CORIN: variants seen among roughly 807,000 people sequenced by gnomAD.
CORIN encodes atrial natriuretic peptide-converting enzyme.
Under a neutral mutation model 125.3 loss-of-function variants are expected in CORIN, and 117 were observed. That is an observed-to-expected ratio of 0.93 (90% CI 0.80 to 1.09). The LOEUF (loss-of-function observed/expected upper bound fraction) is 1.09, where lower values mean the gene tolerates loss of function less well. Among genes scored for constraint, CORIN ranks in the 50% least tolerant of loss-of-function variants. The pLI, the probability that CORIN is intolerant of heterozygous loss-of-function variation, is 0.00. For synonymous variants in CORIN, 450 were observed against 466.4 expected, an observed-to-expected ratio of 0.96 and a Z score of 0.45; for missense variants, 1,253 against 1,306.7, an observed-to-expected ratio of 0.96 and a Z score of 0.63.
At chr4:47,833,121 G>GA (rs140370181) in intron 1 of CORIN, among the ~76,000 whole-genome samples, 48,262 of 145,598 alleles carry the variant, frequency 0.33, 9,423 homozygotes, top group Non-Finnish European at 0.44. Flanking sequence ...TTACGAGCAA[G>GA]AAAAAAAAAA....
intron 5 of CORIN, chr4:47,706,475 C>G: frequency 6.2e-7 from 1 of 1,611,484 alleles, no homozygotes. Flanking sequence ...CAGCTCTCTG[C>G]TCTTCACAGG....
intron 2 of CORIN, among the ~76,000 whole-genome samples, chr4:47,800,983 T>C (rs1212494735): frequency 6.6e-6 from 1 of 152,196 alleles, no homozygotes; most frequent in East Asian, 1.9e-4. Context: ...CAACTGCCAC[T>C]GAGACTGCCG....
At chr4:47,698,689 T>C (rs550199746) in intron 5 of CORIN, among the ~76,000 whole-genome samples, 3 of 152,280 alleles carry the variant, frequency 2.0e-5, no homozygotes, top group Admixed American at 2.0e-4. Context: ...GGATAGCAGC[T>C]GGGAGTCTAT....
intron 2 of CORIN, among the ~76,000 whole-genome samples, chr4:47,805,151 T>A (rs201776283): frequency 0.088 from 11,012 of 125,702 alleles, 557 homozygotes; most frequent in Non-Finnish European, 0.13. Flanking sequence ...AAAAAAAAAA[T>A]AATAATAATA....
chr4:47,674,513 GA>G lies in CORIN; in HGVS notation c.1250-14del, dbSNP rs771785212. 1.9e-5 allele frequency: 29 copies of G among 1,522,646 alleles called. 1 individual carries two copies. The highest frequency in any genetic ancestry group is 2.5e-5 in the Non-Finnish European group (27 of 1,096,982). The allele number at this position is 1,522,646 out of a possible 1,614,324, so 94.3% of individuals were successfully genotyped here. On this transcript the variant is annotated splice_polypyrimidine_tract_variant and intron_variant, in intron 9 of 21. Coordinates refer to ENST00000273857, the MANE Select transcript of CORIN (RefSeq NM_006587.4). ...CATGAAGTCTGAACTACAGAGGGAGGAAAAGGCACATTGGCTTTCATCATCT... is the reference window on the plus strand; with the variant it reads ...CATGAAGTCTGAACTACAGAGGGAGGAAAGGCACATTGGCTTTCATCATCT...
chr4:47,666,785 T>A (rs1388113988), intron 10 of CORIN, among the ~76,000 whole-genome samples: 1 of 152,170 alleles, frequency 6.6e-6, no homozygotes, highest in Non-Finnish European at 1.5e-5. Flanking sequence ...TCTGCCAGCA[T>A]CCTGATCCTG....
intron 10 of CORIN, among the ~76,000 whole-genome samples, chr4:47,668,885 T>A (rs4459961): frequency 1.3e-5 from 2 of 152,164 alleles, no homozygotes; most frequent in Non-Finnish European, 2.9e-5. Flanking sequence ...TTTATTCCTT[T>A]AAAGGCATTC....
chr4:47,717,638 T>C (rs61762904), intron 5 of CORIN, among the ~76,000 whole-genome samples: 1 of 152,216 alleles, frequency 6.6e-6, no homozygotes. Context: ...TGCTATTTGC[T>C]CTGTACAAAA....
chr4:47,600,088 T>A lies in CORIN; in HGVS notation c.2946+126A>T, dbSNP rs1218304376. The stretch of plus-strand genomic sequence containing the variant: ...TGCAGGAAAATGTGCTGTTAATAAT[T>A]AAACATTTGGCAACAAATGATTTTC... On this transcript the variant is annotated intron_variant, in intron 21 of 21. Coordinates refer to ENST00000273857, the MANE Select transcript of CORIN (RefSeq NM_006587.4). 8.7e-6 allele frequency: 7 copies of A among 807,926 alleles called. No individual in the cohort carries two copies. In the African/African-American group the frequency reaches 1.0e-4, roughly 12 times the overall value. 50.0% of individuals were successfully genotyped at this position (807,926 alleles called of 1,614,324 possible).
At chr4:47,767,068 A>T (rs915556962) in intron 3 of CORIN, among the ~76,000 whole-genome samples, 1 of 152,178 alleles carries the variant, frequency 6.6e-6, no homozygotes, top group Non-Finnish European at 1.5e-5. Context: ...GCATAAACTC[A>T]TAACAGCAAA....
In CORIN at chr4:47,744,393, G is replaced by A. The variant is rs1351698720; in HGVS notation, c.799+9C>T. The A allele has an allele frequency of 6.2e-7, 1 of 1,609,784 alleles. No individual in the cohort carries two copies. Among genetic ancestry groups the A allele is most frequent in the East Asian group, 2.2e-5 (1 of 44,840 alleles). ...TCTTCTAAAAATGAAATGAAACACA[G>A]ACACCTACATTGCTTTCCGTTTTCC... On this transcript the variant is annotated intron_variant, in intron 5 of 21. Transcript: ENST00000273857.
chr4:47,601,319 TC>T (rs903953456), intron 20 of CORIN, among the ~76,000 whole-genome samples: 2 of 109,852 alleles, frequency 1.8e-5, no homozygotes, highest in African/African-American at 5.7e-5. Flanking sequence ...ATTCAGCAGA[TC>T]TTTTTTTTTT....
chr4:47,615,785 C>T (rs375648160), intron 19 of CORIN, among the ~76,000 whole-genome samples: 3 of 152,110 alleles, frequency 2.0e-5, no homozygotes, highest in African/African-American at 7.2e-5. Flanking sequence ...TTCAAATCAC[C>T]CAGCTTGTGA....
At chr4:47,712,420 C>A (rs1458127635) in intron 5 of CORIN, among the ~76,000 whole-genome samples, 1 of 152,146 alleles carries the variant, frequency 6.6e-6, no homozygotes, top group Non-Finnish European at 1.5e-5. Flanking sequence ...GTAGTTAGGA[C>A]TACAGGTGTG....
intron 3 of CORIN, among the ~76,000 whole-genome samples, chr4:47,777,384 G>A (rs1374174492): frequency 6.6e-6 from 1 of 152,174 alleles, no homozygotes; most frequent in Non-Finnish European, 1.5e-5. Context: ...TGTAATCCCA[G>A]CACTTTGGGA....
chr4:47,765,220 A>C (rs1729665041), intron 3 of CORIN, among the ~76,000 whole-genome samples: 1 of 151,664 alleles, frequency 6.6e-6, no homozygotes, highest in South Asian at 2.1e-4. Flanking sequence ...CTGAGGCAGG[A>C]GAATGGTGTG....
intron 19 of CORIN, among the ~76,000 whole-genome samples, chr4:47,603,916 A>G (rs1475785906): frequency 6.6e-6 from 1 of 152,214 alleles, no homozygotes. Flanking sequence ...CTTCAGTTTT[A>G]AAGGCAGGCA....
chr4:47,787,228 G>A lies in CORIN; in HGVS notation c.209-303C>T, dbSNP rs6845247. Among the ~76,000 whole-genome samples the A allele has an allele frequency of 8.9e-3, 1,355 of 152,120 alleles. 26 individuals are homozygous for A. The highest frequency in any genetic ancestry group is 0.031 in the African/African-American group (1,277 of 41,500). On this transcript the variant is annotated intron_variant, in intron 2 of 21. Coordinates refer to ENST00000273857, the MANE Select transcript of CORIN (RefSeq NM_006587.4). ...GTTTCCTGGTGCTTCAAAAATGTAG[G>A]GTAATTCTACCTCACCTGAGACTCA... is the stretch of plus-strand genomic sequence containing the variant.
At chr4:47,727,568 T>C (rs947966056) in intron 5 of CORIN, among the ~76,000 whole-genome samples, 1 of 152,080 alleles carries the variant, frequency 6.6e-6, no homozygotes, top group Non-Finnish European at 1.5e-5. Context: ...TTATGCACAG[T>C]TTTGTTCTAG....
Sources: gnomAD v4.1 joint callset for allele counts (sites outside exome capture counted in the v4.1 genomes callset) on GRCh38, gnomAD v4.1.1 for gene constraint, MANE v1.5 for transcripts, NCBI Gene and HGNC (gene_info 2026-07-23, HGNC 2026-07-21) for gene names.